ZZZ3: variants seen among roughly 807,000 people sequenced by gnomAD.
ZZZ3 encodes zinc finger ZZ-type containing 3.
In ZZZ3, 22 loss-of-function variants were observed where a neutral mutation model predicts 95.2. The observed-to-expected ratio is 0.23, with a 90% CI of 0.17 to 0.33. The LOEUF (loss-of-function observed/expected upper bound fraction) is 0.33. Among genes scored for constraint, ZZZ3 ranks in the 10% least tolerant of loss-of-function variants. ZZZ3 has a pLI of 1.00. For missense variants in ZZZ3, 885 were observed against 1,066.5 expected (o/e 0.83, Z 2.37); for synonymous variants, 335 against 358.9 (o/e 0.93, Z 0.75).
chr1:77,656,836 C>T (rs959082958), intron 1 of ZZZ3, among the ~76,000 whole-genome samples: 24 of 152,188 alleles, frequency 1.6e-4, no homozygotes, highest in Admixed American at 1.6e-3. Context: ...ATAAAGTTGC[C>T]ATGAGCACTG....
At chr1:77,608,098 C>A (rs1025851790) in intron 5 of ZZZ3, among the ~76,000 whole-genome samples, 4 of 151,950 alleles carry the variant, frequency 2.6e-5, no homozygotes, top group Admixed American at 6.6e-5. Context: ...AAAGTTTATT[C>A]AAAGGGATAA....
At chr1:77,660,461 A>G (rs1670683182) in intron 1 of ZZZ3, among the ~76,000 whole-genome samples, 1 of 152,210 alleles carries the variant, frequency 6.6e-6, no homozygotes. Flanking sequence ...TACCTCATAT[A>G]TGTGGAAACA....
intron 1 of ZZZ3, among the ~76,000 whole-genome samples, chr1:77,674,683 G>A (rs1672095729): frequency 6.6e-6 from 1 of 152,070 alleles, no homozygotes; most frequent in African/African-American, 2.4e-5. Flanking sequence ...CGGGTGCAGT[G>A]GCTCACACCT....
At position 77,631,871 on chromosome 1, in the gene ZZZ3, A is replaced by G. The variant is rs759596869; in HGVS notation, c.1484T>C (p.Val495Ala). ...PDVYYFESDHVALKHNKDYQR... is the reference protein window; with the variant it reads ...PDVYYFESDHAALKHNKDYQR... ...ATACTCTTTGTTGTGTTTCAGTGCCACATGATCTGATTCAAAGTAATAAAC... is the reference window on the plus strand; with the variant it reads ...ATACTCTTTGTTGTGTTTCAGTGCCGCATGATCTGATTCAAAGTAATAAAC... The change falls in exon 5 of 15, where the codon GTG becomes GCG. Residue 495 changes from valine (V) to alanine (A), a missense_variant. By Grantham distance (64) the Val-to-Ala change is moderately conservative. This residue lies in a region of ZZZ3 where 556 missense variants were observed against 652.9 expected (regional missense o/e 0.85). Transcript: ENST00000370801. 2 of 1,602,098 alleles carry G rather than the reference A, an allele frequency of 1.2e-6. No individual in the cohort carries two copies. The highest frequency in any genetic ancestry group is 2.3e-5 in the South Asian group (2 of 88,788).
At chr1:77,659,746 C>CA (rs754494557) in intron 1 of ZZZ3, among the ~76,000 whole-genome samples, 200 of 135,088 alleles carry the variant, frequency 1.5e-3, no homozygotes, top group South Asian at 0.01. Flanking sequence ...TTTGATTACC[C>CA]AAAAAAAAAA....
rs552313773 is a variant in ZZZ3, at chr1:77,612,441, C to T, written c.1505+19409G>A. 1.5e-4 allele frequency among the ~76,000 whole-genome samples: 23 copies of T among 152,024 alleles called. No homozygotes were observed. In the South Asian group the frequency reaches 4.2e-3, roughly 27 times the overall value. ...ATGACATAGCAATCCCTCCTCTGGG[C>T]ATTTACCCAAAGGAGATGCCCAGAG... On this transcript the variant is annotated intron_variant, in intron 5 of 14. Coordinates refer to ENST00000370801, the MANE Select transcript of ZZZ3 (RefSeq NM_015534.6).
intron 11 of ZZZ3, among the ~76,000 whole-genome samples, chr1:77,577,407 A>G (rs1662067544): frequency 6.6e-6 from 1 of 151,266 alleles, no homozygotes; most frequent in African/African-American, 2.4e-5. Context: ...CCAATATTCC[A>G]CAGTTATAGG....
At chr1:77,631,505 T>C (rs909898111) in intron 5 of ZZZ3, among the ~76,000 whole-genome samples, 2 of 152,218 alleles carry the variant, frequency 1.3e-5, no homozygotes, top group Non-Finnish European at 2.9e-5. Context: ...TATCTAGAAC[T>C]ATAAATCAAA....
rs778326840 is a variant in ZZZ3 at position 77,578,849 on chromosome 1, C to T, written c.2103G>A (p.Lys701=). ...CAGCTTTAGTTAGCTTTATGAAATA[C>T]TTCTGTACTCGGCTGGCAACCTAAG... ...TAKQVASRVQ[K]YFIKLTKAGI... is the part of the protein sequence containing the mutation. The change falls in exon 11 of 15, where the codon AAG becomes AAA. Residue 701 remains lysine, a synonymous_variant. Coordinates refer to ENST00000370801, the MANE Select transcript of ZZZ3 (RefSeq NM_015534.6). The T allele has an allele frequency of 6.4e-6, 10 of 1,572,818 alleles. 1 individual carries two copies. The Admixed American group carries it at 1.1e-4, about 18-fold the overall frequency.
chr1:77,571,529 C>T (rs546128506), intron 12 of ZZZ3, among the ~76,000 whole-genome samples: 1 of 152,168 alleles, frequency 6.6e-6, no homozygotes, highest in East Asian at 1.9e-4. Flanking sequence ...TGGAAGCAAC[C>T]CAAGTATCCA....
intron 1 of ZZZ3, among the ~76,000 whole-genome samples, chr1:77,673,820 T>C (rs960972408): frequency 3.3e-5 from 5 of 152,182 alleles, no homozygotes; most frequent in Non-Finnish European, 1.5e-5. Context: ...ATCTTTTTCT[T>C]GGTGGGGAGG....
chr1:77,610,055 TG>T (rs1347479027), intron 5 of ZZZ3, among the ~76,000 whole-genome samples: 2 of 148,614 alleles, frequency 1.3e-5, no homozygotes, highest in African/African-American at 2.5e-5. Context: ...ATAATACAAA[TG>T]ATCAATTTGA....
At chr1:77,662,788 C>T (rs1570643783) in intron 1 of ZZZ3, among the ~76,000 whole-genome samples, 1 of 152,020 alleles carries the variant, frequency 6.6e-6, no homozygotes, top group East Asian at 1.9e-4. Context: ...GAGACCCTGT[C>T]TCAAAAAACA....
chr1:77,683,046 G>T (rs535168547), upstream of ZZZ3, among the ~76,000 whole-genome samples: 11 of 63,976 alleles, frequency 1.7e-4, no homozygotes, highest in Admixed American at 1.7e-4. Context: ...CCCCCCTTTC[G>T]CCCGCGCACA....
At position 77,631,521 on chromosome 1, in the gene ZZZ3, C is replaced by T. The variant is rs1667812786; in HGVS notation, c.1505+329G>A. ...ATCTAGAACTATAAATCAAAGCATA[C>T]TGTGGTAACTCAATGTGTTTCCATT... On this transcript the variant is annotated intron_variant, in intron 5 of 14. Coordinates refer to ENST00000370801, the MANE Select transcript of ZZZ3 (RefSeq NM_015534.6). Among the ~76,000 whole-genome samples the T allele has an allele frequency of 1.3e-5, 2 of 152,090 alleles. 1 individual carries two copies. Among genetic ancestry groups the T allele is most frequent in the South Asian group, 4.1e-4 (2 of 4,820 alleles).
At chr1:77,618,706 G>A (rs1346947103) in intron 5 of ZZZ3, among the ~76,000 whole-genome samples, 1 of 152,140 alleles carries the variant, frequency 6.6e-6, no homozygotes, top group Non-Finnish European at 1.5e-5. Context: ...GCAACAAGCT[G>A]CAAACAAGTT....
chr1:77,678,392 T>C (rs1672461222), intron 1 of ZZZ3, among the ~76,000 whole-genome samples: 1 of 152,192 alleles, frequency 6.6e-6, no homozygotes, highest in Non-Finnish European at 1.5e-5. Flanking sequence ...ACGTAAATTT[T>C]CCAGAAAATT....
intron 5 of ZZZ3, among the ~76,000 whole-genome samples, chr1:77,590,188 C>T (rs1309800658): frequency 6.6e-6 from 1 of 152,208 alleles, no homozygotes; most frequent in African/African-American, 2.4e-5. Flanking sequence ...GCCTGGCCAA[C>T]ATGGTGAAGC....
Position 77,581,011 on chromosome 1 carries a change from G to C in ZZZ3, c.1967C>G (p.Thr656Ser), listed in dbSNP as rs759583280. 2.5e-5 allele frequency: 41 copies of C among 1,613,722 alleles called. No homozygotes were observed. In the Admixed American group the frequency reaches 6.3e-4, roughly 25 times the overall value. ...TKPETFNQLW[T>S]VEEQKKLEQL... Reference sequence around the variant, plus strand: ...AATATTTATTACCTGTTCTTCAACAGTCCACAACTGGTTAAATGTTTCAGG... The same window carrying C: ...AATATTTATTACCTGTTCTTCAACACTCCACAACTGGTTAAATGTTTCAGG... The change falls in exon 9 of 15, where the codon ACT becomes AGT. Residue 656 changes from threonine to serine, a missense_variant. By Grantham distance (58) the Thr-to-Ser change is moderately conservative (BLOSUM62 1). This residue lies in a region of ZZZ3 where 99 missense variants were observed against 119.8 expected (regional missense o/e 0.83). Coordinates refer to ENST00000370801, the MANE Select transcript of ZZZ3 (RefSeq NM_015534.6).
Sources: gnomAD v4.1 joint callset for allele counts (sites outside exome capture counted in the v4.1 genomes callset) on GRCh38, gnomAD v4.1.1 for gene constraint, gnomAD v4.1.1 regional missense constraint, MANE v1.5 for transcripts, NCBI Gene and HGNC (gene_info 2026-07-23, HGNC 2026-07-21) for gene names.